UBE2G2: variants seen among roughly 807,000 people sequenced by gnomAD.
UBE2G2 encodes ubiquitin conjugating enzyme E2 G2.
UBE2G2 carries 10 observed loss-of-function variants against 23.0 expected under a neutral mutation model. That is an observed-to-expected ratio of 0.43 (90% confidence interval 0.27 to 0.74). UBE2G2 has a LOEUF of 0.74. UBE2G2 is among the 30% of genes least tolerant of loss of function. The pLI is 0.19. For missense variants in UBE2G2, 150 were observed against 218.3 expected (o/e 0.69, Z 1.97); for synonymous variants, 86 against 81.3 (o/e 1.06, Z -0.31).
At position 44,770,698 on chromosome 21, in the gene UBE2G2, C is replaced by G. The variant is rs1320174131; in HGVS notation, c.*679G>C. ...TCCCAAAGAGCTGGGATTACAGGCA[C>G]GAACCACCGCACCTGGCCAATCAGC... On this transcript the variant is annotated 3_prime_UTR_variant, in exon 6 of 6. Coordinates refer to ENST00000345496, the MANE Select transcript of UBE2G2 (RefSeq NM_003343.6). 1 of 152,158 alleles carries G rather than the reference C, an allele frequency of 6.6e-6. No individual in the cohort carries two copies. Among genetic ancestry groups the G allele is most frequent in the South Asian group, 2.1e-4 (1 of 4,828 alleles). The allele number at this position is 152,158 out of a possible 1,614,324, so 9.4% of individuals were successfully genotyped here.
intron 1 of UBE2G2, among the ~76,000 whole-genome samples, chr21:44,789,791 TG>T (rs1370655779): frequency 6.6e-6 from 1 of 152,060 alleles, no homozygotes; most frequent in Non-Finnish European, 1.5e-5. Flanking sequence ...TGAATCCTAA[TG>T]TATGTGGTAT....
intron 3 of UBE2G2, among the ~76,000 whole-genome samples, chr21:44,781,025 G>T (rs1555961276): frequency 1.3e-5 from 2 of 152,232 alleles, no homozygotes; most frequent in Non-Finnish European, 1.5e-5. Context: ...GCACGCAGGT[G>T]TTGGGAAAGC....
intron 3 of UBE2G2, among the ~76,000 whole-genome samples, 184 bp downstream of exon 3, chr21:44,787,736 T>C (rs2083007348): frequency 6.6e-6 from 1 of 152,230 alleles, no homozygotes; most frequent in Non-Finnish European, 1.5e-5. Context: ...AACACTCATT[T>C]CTTTTGGATC....
intron 3 of UBE2G2, among the ~76,000 whole-genome samples, chr21:44,787,123 A>G (rs1177445921): frequency 6.6e-6 from 1 of 152,104 alleles, no homozygotes; most frequent in Non-Finnish European, 1.5e-5. Flanking sequence ...GAAAAAGAAA[A>G]GAAAGAAAAC....
Position 44,771,253 on chromosome 21 carries a change from G to A in UBE2G2, c.*124C>T. 3 of 778,758 alleles carry A rather than the reference G, an allele frequency of 3.9e-6. No individual in the cohort carries two copies. Among genetic ancestry groups the A allele is most frequent in the South Asian group, 1.8e-5 (1 of 54,150 alleles). The allele number at this position is 778,758 out of a possible 1,614,324, so 48.2% of individuals were successfully genotyped here. A position where few individuals can be genotyped will look rare whatever the true frequency, so the allele number is the denominator to read the frequency against. ...TAGGAAAGGTTTGAAAAAAAAAAAA[G>A]ATGCCATGGTTCTTGCAAGTCTGCC... On this transcript the variant is annotated 3_prime_UTR_variant, in exon 6 of 6. Coordinates refer to ENST00000345496, the MANE Select transcript of UBE2G2 (RefSeq NM_003343.6). This position sits in a 1 kb window ranked among gnomAD's most constrained non-coding sequence, Gnocchi z 4.6.
At chr21:44,775,863 C>T (rs1321320555) in intron 4 of UBE2G2, among the ~76,000 whole-genome samples, 1 of 152,198 alleles carries the variant, frequency 6.6e-6, no homozygotes, top group African/African-American at 2.4e-5. Context: ...AAGTAGACAG[C>T]GTGTGATGAA....
chr21:44,792,174 G>C (rs2083051005), intron 1 of UBE2G2, among the ~76,000 whole-genome samples: 1 of 152,214 alleles, frequency 6.6e-6, no homozygotes, highest in South Asian at 2.1e-4. Context: ...CCTTGTCAGA[G>C]ATGAGACTTT....
chr21:44,797,248 T>C (rs553405324), intron 1 of UBE2G2, among the ~76,000 whole-genome samples: 24 of 152,328 alleles, frequency 1.6e-4, no homozygotes, highest in African/African-American at 4.3e-4. Flanking sequence ...TGCAAACTAA[T>C]TGACAATATA....
intron 3 of UBE2G2, among the ~76,000 whole-genome samples, chr21:44,782,919 T>C (rs1234897904): frequency 6.6e-6 from 1 of 151,956 alleles, no homozygotes; most frequent in Non-Finnish European, 1.5e-5. Flanking sequence ...AGAAAAAAAA[T>C]GCAAAATCAC....
chr21:44,788,287 G>T lies in UBE2G2; in HGVS notation c.44-192C>A, dbSNP rs972702134. On this transcript the variant is annotated intron_variant, in intron 1 of 5. Transcript: ENST00000345496. ...GATAACAACTACACAAAGTTTTTTT[G>T]TTTTTTTTTTGTTTTTTTTTGAGAC... 6.7e-3 allele frequency among the ~76,000 whole-genome samples: 906 copies of T among 135,418 alleles called. 15 individuals carry two copies. Among genetic ancestry groups the T allele is most frequent in the Non-Finnish European group, 9.3e-3 (581 of 62,556 alleles). 88.8% of individuals were successfully genotyped at this position (135,418 alleles called of 152,430 possible). A position where few individuals can be genotyped will look rare whatever the true frequency, so the allele number is the denominator to read the frequency against.
intron 1 of UBE2G2, among the ~76,000 whole-genome samples, chr21:44,791,893 G>A (rs1304279772): frequency 6.6e-6 from 1 of 152,202 alleles, no homozygotes; most frequent in African/African-American, 2.4e-5. Context: ...AAAGCCACAG[G>A]GGCAGAGCTG....
At chr21:44,774,235 C>G (rs2082896567) in intron 4 of UBE2G2, 1 of 154,412 alleles carries the variant, frequency 6.5e-6, no homozygotes. Context: ...ATCAGTACAA[C>G]CTGGAATGTA....
chr21:44,771,607 CA>C lies in UBE2G2; in HGVS notation c.386-119del, dbSNP rs782349093. 93 of 1,091,192 alleles carry C rather than the reference CA, an allele frequency of 8.5e-5. No individual in the cohort carries two copies. Among genetic ancestry groups the C allele is most frequent in the Non-Finnish European group, 1.2e-4 (87 of 740,796 alleles). 67.6% of individuals were successfully genotyped at this position (1,091,192 alleles called of 1,614,324 possible). A position where few individuals can be genotyped will look rare whatever the true frequency, so the allele number is the denominator to read the frequency against. ...GCTTTCAAGAGCTGTGTCCCAGAAA[CA>C]AAGAACCTGAGAACTGCATGGGGTC... On this transcript the variant is annotated intron_variant, in intron 5 of 5. Transcript: ENST00000345496. The surrounding 1 kb of genome is among the most constrained non-coding windows in gnomAD (Gnocchi z 4.6).
At chr21:44,782,327 T>C (rs2082963396) in intron 3 of UBE2G2, among the ~76,000 whole-genome samples, 2 of 152,318 alleles carry the variant, frequency 1.3e-5, no homozygotes, top group South Asian at 4.1e-4. Context: ...GGAGAGACAG[T>C]CCATGTTCAT....
chr21:44,791,061 C>T (rs908373159), intron 1 of UBE2G2, among the ~76,000 whole-genome samples: 2 of 152,110 alleles, frequency 1.3e-5, no homozygotes, highest in Admixed American at 6.5e-5. Flanking sequence ...TGCTATGTTT[C>T]AACAAAGAGA....
At position 44,772,090 on chromosome 21, in the gene UBE2G2, C is replaced by T. The variant is rs2082878864; in HGVS notation, c.386-601G>A. Among the ~76,000 whole-genome samples the T allele has an allele frequency of 1.3e-5, 2 of 152,214 alleles. No homozygotes were observed. The highest frequency in any genetic ancestry group is 2.4e-5 in the African/African-American group (1 of 41,466). ...AGCCAGGGCCTGCCGGAAGGCAGAA[C>T]GGAGAGAGACCACCAGAACTGGATG... On this transcript the variant is annotated intron_variant, in intron 5 of 5. Coordinates refer to ENST00000345496, the MANE Select transcript of UBE2G2 (RefSeq NM_003343.6). The surrounding 1 kb of genome is among the most constrained non-coding windows in gnomAD (Gnocchi z 5.4).
chr21:44,774,864 G>GC (rs2082901367), intron 4 of UBE2G2: 10 of 378,026 alleles, frequency 2.6e-5, no homozygotes, highest in South Asian at 1.6e-4. Flanking sequence ...CCCTGCCACA[G>GC]CCCCTCCTTC....
intron 3 of UBE2G2, among the ~76,000 whole-genome samples, chr21:44,783,187 C>T (rs542633559): frequency 5.9e-5 from 9 of 152,276 alleles, no homozygotes; most frequent in African/African-American, 2.2e-4. Context: ...CATCATTAGT[C>T]GTCAAGGAAA....
intron 4 of UBE2G2, chr21:44,774,781 C>G: frequency 2.2e-6 from 1 of 454,530 alleles, no homozygotes; most frequent in Non-Finnish European, 4.4e-6. Flanking sequence ...TTTCCCACTT[C>G]TGTGTTGCCT....
Sources: allele counts gnomAD v4.1 joint callset (sites outside exome capture counted in the v4.1 genomes callset), GRCh38; gene constraint gnomAD v4.1.1; non-coding constraint Gnocchi (gnomAD v3.1); transcripts MANE v1.5; gene names NCBI Gene and HGNC (gene_info 2026-07-23, HGNC 2026-07-21).